HDHD2: variants seen among roughly 807,000 people sequenced by gnomAD.
The protein encoded by HDHD2 is haloacid dehalogenase-like hydrolase domain-containing protein 2.
Under a neutral mutation model 24.8 loss-of-function variants are expected in HDHD2, and 26 were observed. That is an observed-to-expected ratio of 1.05 (90% CI 0.77 to 1.45). The LOEUF (loss-of-function observed/expected upper bound fraction) is 1.45, where lower values mean the gene tolerates loss of function less well. Ranked by LOEUF, HDHD2 falls within the 40% of genes most tolerant of loss-of-function variation. HDHD2 has a pLI of 0.00. For missense variants in HDHD2, 299 were observed against 313.4 expected, an observed-to-expected ratio of 0.95 and a Z score of 0.35; for synonymous variants, 128 against 114.9, an observed-to-expected ratio of 1.11 and a Z score of -0.73.
At chr18:47,131,646 A>C (rs1255824588) in intron 3 of HDHD2, among the ~76,000 whole-genome samples, 1 of 152,236 alleles carries the variant, frequency 6.6e-6, no homozygotes, top group South Asian at 2.1e-4. Context: ...AGTCATACAC[A>C]GCTTGTATTT....
intron 4 of HDHD2, among the ~76,000 whole-genome samples, chr18:47,118,019 T>G (rs896613950): frequency 6.6e-6 from 1 of 151,596 alleles, no homozygotes; most frequent in Non-Finnish European, 1.5e-5. Flanking sequence ...ATTACATATA[T>G]ATAATTATAT....
At chr18:47,134,354 T>C (rs2063742628) in intron 3 of HDHD2, 142 bp downstream of exon 3, 1 of 689,908 alleles carries the variant, frequency 1.4e-6, no homozygotes, top group Admixed American at 2.9e-5. Flanking sequence ...GAAATGCCAA[T>C]TTAGATTCAA....
intron 6 of HDHD2, chr18:47,110,732 G>A: frequency 1.0e-6 from 1 of 985,318 alleles, no homozygotes; most frequent in African/African-American, 1.7e-5. Flanking sequence ...GTGCTTTCAT[G>A]GATGGATAAA....
intron 5 of HDHD2, among the ~76,000 whole-genome samples, chr18:47,113,914 T>G (rs751906455): frequency 6.6e-6 from 1 of 150,922 alleles, no homozygotes; most frequent in African/African-American, 2.4e-5. Context: ...GATAGGGAGG[T>G]GGGAAAAAGA....
At chr18:47,146,230 A>C (rs1328551006) in intron 1 of HDHD2, among the ~76,000 whole-genome samples, 3 of 113,424 alleles carry the variant, frequency 2.6e-5, no homozygotes, top group Admixed American at 8.3e-5. Context: ...AATGTGTCTC[A>C]AAAAAAAAAA....
chr18:47,145,571 T>C (rs1407477932), intron 1 of HDHD2, among the ~76,000 whole-genome samples: 3 of 152,020 alleles, frequency 2.0e-5, no homozygotes, highest in African/African-American at 7.2e-5. Context: ...AATATCCACA[T>C]GAGAAAAAAT....
intron 4 of HDHD2, among the ~76,000 whole-genome samples, chr18:47,127,292 C>T (rs968061831): frequency 3.9e-5 from 6 of 152,096 alleles, no homozygotes; most frequent in Middle Eastern, 3.2e-3. Context: ...ACAAAGCATG[C>T]ACAATACATT....
chr18:47,116,155 C>A (rs774687865), intron 4 of HDHD2, among the ~76,000 whole-genome samples: 4 of 152,160 alleles, frequency 2.6e-5, no homozygotes, highest in Non-Finnish European at 5.9e-5. Flanking sequence ...TTTCCAACAC[C>A]CAACCTAAAA....
At chr18:47,147,569 T>C (rs2063884464) in intron 1 of HDHD2, among the ~76,000 whole-genome samples, 1 of 152,178 alleles carries the variant, frequency 6.6e-6, no homozygotes, top group Non-Finnish European at 1.5e-5. Flanking sequence ...CCAGCTTTTA[T>C]GGGAGATATC....
chr18:47,110,327 G>C (rs1394136512), intron 6 of HDHD2: 14 of 984,900 alleles, frequency 1.4e-5, no homozygotes, highest in Non-Finnish European at 1.7e-5. Context: ...CCTCACTCTC[G>C]TTAGCACCCT....
rs1171818906 is a variant in HDHD2, at chr18:47,136,425, A to G, written c.15T>C (p.Arg5=). 3 of 1,612,756 alleles carry G rather than the reference A, an allele frequency of 1.9e-6. No individual in the cohort carries two copies. In the South Asian group the frequency reaches 3.3e-5, roughly 18 times the overall value. Residue 5 remains arginine (R), a synonymous_variant, in exon 2 of 7, where the codon CGT becomes CGC. Coordinates refer to ENST00000300605, the MANE Select transcript of HDHD2 (RefSeq NM_032124.5). ...GATCTACCAAAACAGCTTTTAATGCACGGCATGCTGCCATCCTTCATTCCC... is the reference window on the plus strand; with the variant it reads ...GATCTACCAAAACAGCTTTTAATGCGCGGCATGCTGCCATCCTTCATTCCC... The part of the protein sequence containing the change: MAAC[R]ALKAVLVDLS...
chr18:47,135,004 G>A (rs1161312219), intron 2 of HDHD2, among the ~76,000 whole-genome samples: 1 of 152,164 alleles, frequency 6.6e-6, no homozygotes, highest in Non-Finnish European at 1.5e-5. Context: ...CTATTAAGGA[G>A]TCAAGATAAA....
intron 4 of HDHD2, among the ~76,000 whole-genome samples, chr18:47,129,596 G>GT (rs1340000269): frequency 6.6e-6 from 1 of 151,966 alleles, no homozygotes; most frequent in Non-Finnish European, 1.5e-5. Flanking sequence ...CCAGTTCACC[G>GT]TATCATTACC....
chr18:47,115,643 A>C (rs1053536680), intron 4 of HDHD2, among the ~76,000 whole-genome samples: 1 of 152,104 alleles, frequency 6.6e-6, no homozygotes. Flanking sequence ...AAGAGAACTA[A>C]AGCTAAATAA....
intron 1 of HDHD2, among the ~76,000 whole-genome samples, chr18:47,147,059 C>T (rs1436704466): frequency 6.6e-6 from 1 of 152,068 alleles, no homozygotes; most frequent in East Asian, 1.9e-4. Context: ...ATATTTTAGT[C>T]AGTTTTTTCT....
At chr18:47,130,005 C>T (rs2063697503) in intron 4 of HDHD2, among the ~76,000 whole-genome samples, 1 of 152,112 alleles carries the variant, frequency 6.6e-6, no homozygotes, top group African/African-American at 2.4e-5. Context: ...TGCACTCCAG[C>T]CTGGGCGACA....
chr18:47,112,008 A>T (rs919203465), intron 6 of HDHD2, among the ~76,000 whole-genome samples: 1 of 152,244 alleles, frequency 6.6e-6, no homozygotes, highest in African/African-American at 2.4e-5. Context: ...TATTTGATTT[A>T]TAAGAGTCTG....
At chr18:47,134,133 G>A (rs886182820) in intron 3 of HDHD2, among the ~76,000 whole-genome samples, 1 of 152,096 alleles carries the variant, frequency 6.6e-6, no homozygotes, top group African/African-American at 2.4e-5. Context: ...TCAAACCACG[G>A]GTCGTGATCT....
intron 5 of HDHD2, 45 bp downstream of exon 5, chr18:47,115,087 G>T: frequency 6.9e-7 from 1 of 1,449,848 alleles, no homozygotes. Context: ...GGCTTTCCCA[G>T]CACAACAGGT....
Sources: allele counts gnomAD v4.1 joint callset (sites outside exome capture counted in the v4.1 genomes callset), GRCh38; gene constraint gnomAD v4.1.1; transcripts MANE v1.5; gene names NCBI Gene and HGNC (gene_info 2026-07-23, HGNC 2026-07-21).